The following RABGAP1L variants were observed in gnomAD, a reference collection of about 807,000 sequenced individuals.
RABGAP1L encodes the protein RAB GTPase activating protein 1 like, also known as rab GTPase-activating protein 1-like.
In RABGAP1L, 63 loss-of-function variants were observed where a neutral mutation model predicts 137.7. The observed-to-expected ratio is 0.46, with a 90% confidence interval of 0.37 to 0.56. RABGAP1L has a LOEUF of 0.56. RABGAP1L is among the 20% of genes least tolerant of loss of function. The pLI is 0.00. For synonymous variants in RABGAP1L, 431 were observed against 433.7 expected, an observed-to-expected ratio of 0.99 and a Z score of 0.08; for missense variants, 1,095 against 1,244.0, an observed-to-expected ratio of 0.88 and a Z score of 1.80.
chr1:174,907,043 T>C (rs1305658272), intron 19 of RABGAP1L, among the ~76,000 whole-genome samples: 1 of 151,994 alleles, frequency 6.6e-6, no homozygotes, highest in Non-Finnish European at 1.5e-5. Context: ...TAAAGGGAGC[T>C]TTCCCATTTG....
chr1:174,658,512 C>T (rs1228277564), intron 14 of RABGAP1L, among the ~76,000 whole-genome samples: 1 of 152,154 alleles, frequency 6.6e-6, no homozygotes, highest in Non-Finnish European at 1.5e-5. Context: ...CAGTATCTCT[C>T]TATATATCCA....
intron 11 of RABGAP1L, among the ~76,000 whole-genome samples, chr1:174,312,468 G>A (rs1398492592): frequency 2.0e-5 from 3 of 151,966 alleles, no homozygotes; most frequent in African/African-American, 7.3e-5. Context: ...CTACAGAGAT[G>A]TTTGAGCTGT....
chr1:174,800,426 G>A (rs1223736932), intron 18 of RABGAP1L: 6 of 1,550,760 alleles, frequency 3.9e-6, no homozygotes, highest in African/African-American at 1.4e-5. Flanking sequence ...GAGCAAGCTG[G>A]TGAATGAGTA....
chr1:174,969,853 G>A (rs1275054837), intron 21 of RABGAP1L, among the ~76,000 whole-genome samples: 1 of 152,234 alleles, frequency 6.6e-6, no homozygotes, highest in Non-Finnish European at 1.5e-5. Context: ...CTGCCTGATT[G>A]TGAATGCTGG....
intron 13 of RABGAP1L, among the ~76,000 whole-genome samples, chr1:174,520,531 A>G (rs543569696): frequency 6.6e-6 from 1 of 152,356 alleles, no homozygotes; most frequent in East Asian, 1.9e-4. Flanking sequence ...TAGAAACAGC[A>G]CAACATAACT....
intron 11 of RABGAP1L, among the ~76,000 whole-genome samples, chr1:174,359,393 T>G (rs1211963483): frequency 1.3e-5 from 2 of 152,252 alleles, no homozygotes; most frequent in African/African-American, 2.4e-5. Flanking sequence ...GATTATTGGT[T>G]TCTTCAGAGA....
chr1:174,722,469 G>C (rs1448220781), intron 17 of RABGAP1L, among the ~76,000 whole-genome samples: 1 of 150,096 alleles, frequency 6.7e-6, no homozygotes, highest in African/African-American at 2.5e-5. Context: ...TTTTTTTTGA[G>C]ACGGAGTTTC....
intron 13 of RABGAP1L, among the ~76,000 whole-genome samples, chr1:174,560,952 A>G (rs928324104): frequency 6.6e-6 from 1 of 152,222 alleles, no homozygotes; most frequent in African/African-American, 2.4e-5. Flanking sequence ...TACTTCTTGT[A>G]ATGCAATTAG....
intron 19 of RABGAP1L, among the ~76,000 whole-genome samples, chr1:174,946,938 A>ATGTGTGTG (rs1260955516): frequency 2.9e-4 from 19 of 65,370 alleles, no homozygotes; most frequent in African/African-American, 1.5e-3. Flanking sequence ...ATATATATAT[A>ATGTGTGTG]TATGTGTGTG....
At chr1:174,486,239 TGTCTGGCTAAATGTTTGTCAA>T (rs1558274588) in intron 13 of RABGAP1L, among the ~76,000 whole-genome samples, 10 of 134,636 alleles carry the variant, frequency 7.4e-5, no homozygotes, top group East Asian at 2.4e-4. Flanking sequence ...TTTTTTTTTT[TGTCTGGCTAAATGTTTGTCAA>T]TTTTGTTTAA....
chr1:174,517,775 A>C (rs1242761448), intron 13 of RABGAP1L, among the ~76,000 whole-genome samples: 1 of 152,186 alleles, frequency 6.6e-6, no homozygotes, highest in Non-Finnish European at 1.5e-5. Context: ...ATTCCTTCTT[A>C]TTATTTTATA....
chr1:174,947,645 C>T (rs887025274), intron 19 of RABGAP1L, among the ~76,000 whole-genome samples: 2 of 152,060 alleles, frequency 1.3e-5, no homozygotes, highest in African/African-American at 2.4e-5. Flanking sequence ...GTCTCAAACT[C>T]CCGACCTCAG....
chr1:174,474,636 C>G (rs1658301342), intron 13 of RABGAP1L, among the ~76,000 whole-genome samples: 2 of 152,070 alleles, frequency 1.3e-5, no homozygotes, highest in African/African-American at 4.8e-5. Flanking sequence ...TGGAGTCTTG[C>G]TCTGTCGCCA....
chr1:174,325,846 C>T (rs1313010339), intron 11 of RABGAP1L, among the ~76,000 whole-genome samples: 2 of 152,162 alleles, frequency 1.3e-5, no homozygotes, highest in Non-Finnish European at 2.9e-5. Context: ...CTAAAGGGGC[C>T]GTTTATGGGC....
chr1:174,711,386 A>C (rs1439854937), intron 17 of RABGAP1L, among the ~76,000 whole-genome samples: 1 of 151,532 alleles, frequency 6.6e-6, no homozygotes, highest in Non-Finnish European at 1.5e-5. Context: ...GCACGCTGTC[A>C]CCTCTCAGAG....
At chr1:174,240,998 A>G (rs1671767613) in intron 4 of RABGAP1L, among the ~76,000 whole-genome samples, 1 of 151,972 alleles carries the variant, frequency 6.6e-6, no homozygotes, top group Non-Finnish European at 1.5e-5. Flanking sequence ...TTGCATTGTT[A>G]GTTCCAGTTT....
At chr1:174,438,222 G>A (rs988971991) in intron 13 of RABGAP1L, among the ~76,000 whole-genome samples, 3 of 152,158 alleles carry the variant, frequency 2.0e-5, no homozygotes, top group Non-Finnish European at 4.4e-5. Flanking sequence ...GGTTGTGCCA[G>A]TCTTTCAACT....
At chr1:174,600,579 A>G (rs1670332377) in intron 13 of RABGAP1L, among the ~76,000 whole-genome samples, 1 of 152,202 alleles carries the variant, frequency 6.6e-6, no homozygotes, top group Non-Finnish European at 1.5e-5. Context: ...AAGGAGTTAC[A>G]GGGCCCATGC....
At chr1:174,435,302 G>A (rs1653127356) in intron 13 of RABGAP1L, among the ~76,000 whole-genome samples, 2 of 152,196 alleles carry the variant, frequency 1.3e-5, no homozygotes, top group African/African-American at 4.8e-5. Flanking sequence ...ATAAGTGTGA[G>A]CCACTGCACC....
Sources: allele counts gnomAD v4.1 joint callset (sites outside exome capture counted in the v4.1 genomes callset), GRCh38; gene constraint gnomAD v4.1.1; transcripts MANE v1.5; gene names NCBI Gene and HGNC (gene_info 2026-07-23, HGNC 2026-07-21).